EFNB1: variants seen among roughly 807,000 people sequenced by gnomAD.
The protein encoded by EFNB1 is ephrin-B1.
A neutral mutation model predicts 18.1 loss-of-function variants in EFNB1; 1 was observed. The observed-to-expected ratio is 0.06, with a 90% CI of 0.02 to 0.26. The LOEUF (loss-of-function observed/expected upper bound fraction) is 0.26, where lower values mean the gene tolerates loss of function less well. EFNB1 is among the 10% of genes least tolerant of loss of function. EFNB1 has a pLI of 1.00. For synonymous variants in EFNB1, 131 were observed against 127.5 expected, an observed-to-expected ratio of 1.03 and a Z score of -0.19; for missense variants, 221 against 301.8, an observed-to-expected ratio of 0.73 and a Z score of 1.98.
At chrX:68,831,835 T>C (rs1304197344) in intron 1 of EFNB1, among the ~76,000 whole-genome samples, 1 of 110,300 alleles carries the variant, frequency 9.1e-6, no homozygotes, top group Admixed American at 9.6e-5. Flanking sequence ...GTATCCTCTC[T>C]GACCCCCCTC....
chrX:68,839,829 C>T, intron 3 of EFNB1, 73 bp downstream of exon 3: 2 of 1,175,389 alleles, frequency 1.7e-6, no homozygotes, highest in Non-Finnish European at 2.3e-6. Flanking sequence ...TGGCTGGGTG[C>T]ATGTGTATTA....
intron 1 of EFNB1, among the ~76,000 whole-genome samples, chrX:68,833,937 A>T (rs1055076569): frequency 3.6e-5 from 4 of 112,492 alleles, no homozygotes; most frequent in Middle Eastern, 4.6e-3. Context: ...AAGGGAAGTG[A>T]CTTGTCTAAG....
intron 1 of EFNB1, among the ~76,000 whole-genome samples, chrX:68,832,624 G>C (rs1036513217): frequency 3.6e-5 from 4 of 111,707 alleles, no homozygotes. Context: ...GAGGGGAAGC[G>C]GGAATGGCTG....
Position 68,840,966 on chromosome X carries a change from C to T in EFNB1, c.*312C>T. The T allele has an allele frequency of 2.8e-6, 1 of 357,608 alleles. No individual in the cohort carries two copies. Among genetic ancestry groups the T allele is most frequent in the East Asian group, 4.3e-5 (1 of 23,161 alleles). 29.5% of individuals were successfully genotyped at this position (357,608 alleles called of 1,213,427 possible). On this transcript the variant is annotated 3_prime_UTR_variant, in exon 5 of 5. Transcript: ENST00000204961. ...GGGAGACAGTCCCCTGGCCCTGCCC[C>T]TCCCTCGCCCCCCTTGCCACCTTCC...
chrX:68,831,211 T>G, intron 1 of EFNB1, among the ~76,000 whole-genome samples: 1 of 102,195 alleles, frequency 9.8e-6, no homozygotes, highest in African/African-American at 3.5e-5. Context: ...CCCGGGTAAC[T>G]TCCCAGGCTC....
intron 1 of EFNB1, among the ~76,000 whole-genome samples, chrX:68,837,024 A>T (rs2080462358): frequency 9.0e-6 from 1 of 111,227 alleles, no homozygotes; most frequent in Admixed American, 9.5e-5. Flanking sequence ...TTTCCTGTGG[A>T]TACATCTCTG....
At chrX:68,836,614 C>G (rs2080461402) in intron 1 of EFNB1, among the ~76,000 whole-genome samples, 1 of 112,555 alleles carries the variant, frequency 8.9e-6, no homozygotes, top group Non-Finnish European at 1.9e-5. Flanking sequence ...AGGCATTTGC[C>G]CAGAGTTCCC....
chrX:68,836,910 G>A (rs1490324042), intron 1 of EFNB1, among the ~76,000 whole-genome samples: 1 of 111,582 alleles, frequency 9.0e-6, no homozygotes, highest in African/African-American at 3.3e-5. Flanking sequence ...TCCCAGCCAA[G>A]CTGGACCAAT....
chrX:68,833,291 G>A (rs2080451899), intron 1 of EFNB1, among the ~76,000 whole-genome samples: 1 of 111,622 alleles, frequency 9.0e-6, no homozygotes, highest in Non-Finnish European at 1.9e-5. Flanking sequence ...GTGGCTGATT[G>A]GCCACAGGTG....
At chrX:68,836,183 A>G (rs1470007859) in intron 1 of EFNB1, among the ~76,000 whole-genome samples, 1 of 111,708 alleles carries the variant, frequency 9.0e-6, no homozygotes. Flanking sequence ...CCTGGACTCT[A>G]AGGTTCCTGC....
chrX:68,838,800 A>G lies in EFNB1; in HGVS notation c.312A>G (p.Pro104=). 4 of 1,207,942 alleles carry G rather than the reference A, an allele frequency of 3.3e-6. No homozygotes were observed. The highest frequency in any genetic ancestry group is 4.5e-6 in the Non-Finnish European group (4 of 893,454). The change falls in exon 2 of 5, where the codon CCA becomes CCG. Residue 104 remains proline, a synonymous_variant. Coordinates refer to ENST00000204961, the MANE Select transcript of EFNB1 (RefSeq NM_004429.5). ...ACGTGTTGGTCACCTGCAATAGGCC[A>G]GAGCAGGAAATACGCTTTACCATCA... The part of the protein sequence containing the change: ...DPNVLVTCNR[P]EQEIRFTIKF...
intron 1 of EFNB1, among the ~76,000 whole-genome samples, chrX:68,838,168 TGTGTGCGCGCGC>T (rs2080466536): frequency 1.7e-5 from 1 of 58,191 alleles, no homozygotes; most frequent in African/African-American, 7.1e-5. Flanking sequence ...TGTGTGTGTG[TGTGTGCGCGCGC>T]GCGCGCGCAC....
intron 1 of EFNB1, among the ~76,000 whole-genome samples, chrX:68,830,709 G>A (rs2080442727): frequency 8.8e-6 from 1 of 113,073 alleles, no homozygotes; most frequent in Non-Finnish European, 1.9e-5. Context: ...TGGAGAAGGA[G>A]CGATTCCTGC....
intron 1 of EFNB1, among the ~76,000 whole-genome samples, chrX:68,836,793 C>A (rs1224479945): frequency 2.7e-5 from 3 of 112,048 alleles, no homozygotes; most frequent in African/African-American, 9.7e-5. Context: ...GCTCTGAGAG[C>A]CTGTCTCCAA....
Position 68,840,961 on chromosome X carries a change from T to C in EFNB1, c.*307T>C. The C allele has an allele frequency of 2.8e-6, 1 of 361,370 alleles. No individual in the cohort carries two copies. Among genetic ancestry groups the C allele is most frequent in the Non-Finnish European group, 4.8e-6 (1 of 206,202 alleles). 29.8% of individuals were successfully genotyped at this position (361,370 alleles called of 1,213,427 possible). ...AGGCAGGGAGACAGTCCCCTGGCCCTGCCCCTCCCTCGCCCCCCTTGCCAC... is the reference window on the plus strand; with the variant it reads ...AGGCAGGGAGACAGTCCCCTGGCCCCGCCCCTCCCTCGCCCCCCTTGCCAC... On this transcript the variant is annotated 3_prime_UTR_variant, in exon 5 of 5. Coordinates refer to ENST00000204961, the MANE Select transcript of EFNB1 (RefSeq NM_004429.5).
chrX:68,840,577 G>A lies in EFNB1; in HGVS notation c.964G>A (p.Gly322Arg). The change falls in exon 5 of 5, where the codon GGG (glycine) becomes AGG (arginine). Residue 322 changes from glycine (G) to arginine (R), a missense_variant. Coordinates refer to ENST00000204961, the MANE Select transcript of EFNB1 (RefSeq NM_004429.5). The stretch of plus-strand genomic sequence containing the variant: ...CTGCCCCCACTATGAGAAGGTGAGT[G>A]GGGACTACGGGCACCCTGTCTACAT... Reference protein sequence around the residue: ...NYCPHYEKVSGDYGHPVYIVQ... With the variant: ...NYCPHYEKVSRDYGHPVYIVQ... The A allele has an allele frequency of 8.3e-7, 1 of 1,210,937 alleles. No homozygotes were observed. The highest frequency in any genetic ancestry group is 1.1e-6 in the Non-Finnish European group (1 of 895,145).
intron 1 of EFNB1, among the ~76,000 whole-genome samples, chrX:68,834,561 G>C (rs1002003280): frequency 2.7e-5 from 3 of 113,139 alleles, no homozygotes; most frequent in African/African-American, 6.4e-5. Flanking sequence ...TGCCAGCCTC[G>C]GGGGCTGGGT....
chrX:68,829,318 C>G lies in EFNB1; in HGVS notation c.-459C>G, dbSNP rs1004268110. 6.8e-5 allele frequency: 11 copies of G among 161,718 alleles called. No individual in the cohort carries two copies. The highest frequency in any genetic ancestry group is 3.2e-4 in the African/African-American group (10 of 31,455). 13.3% of individuals were successfully genotyped at this position (161,718 alleles called of 1,213,427 possible). On this transcript the variant is annotated 5_prime_UTR_variant, in exon 1 of 5. Coordinates refer to ENST00000204961, the MANE Select transcript of EFNB1 (RefSeq NM_004429.5). ...GCGGCCCAGTCGGGAGCCCGGGGAC[C>G]GAGCTTGTGCTGTGGGGAAACCCCC...
chrX:68,840,714 C>T lies in EFNB1; in HGVS notation c.*60C>T, dbSNP rs187874806. 468 of 1,116,122 alleles carry T rather than the reference C, an allele frequency of 4.2e-4. No individual in the cohort carries two copies. The highest frequency in any genetic ancestry group is 3.1e-3 in the Middle Eastern group (11 of 3,531). The allele number at this position is 1,116,122 out of a possible 1,213,427, so 92.0% of individuals were successfully genotyped here. On this transcript the variant is annotated 3_prime_UTR_variant, in exon 5 of 5. Coordinates refer to ENST00000204961, the MANE Select transcript of EFNB1 (RefSeq NM_004429.5). ...TCGGCCTGGACCGGACCTCTCCTTT[C>T]GCCCCCACACCCCCTCCCCTTGCCA...
Sources: allele counts gnomAD v4.1 joint callset (sites outside exome capture counted in the v4.1 genomes callset), GRCh38; gene constraint gnomAD v4.1.1; transcripts MANE v1.5; gene names NCBI Gene and HGNC (gene_info 2026-07-23, HGNC 2026-07-21).